HCN1: variants seen among roughly 807,000 people sequenced by gnomAD.
The protein encoded by HCN1 is potassium/sodium hyperpolarization-activated cyclic nucleotide-gated channel 1.
In HCN1, 13 loss-of-function variants were observed where a neutral mutation model predicts 78.9. That is an observed-to-expected ratio of 0.16 (90% CI 0.11 to 0.26). The LOEUF is 0.26. HCN1 is among the 10% of genes least tolerant of loss of function. The probability of loss-of-function intolerance (pLI) is 1.00; values close to 1 mark genes in which losing one functional copy is unlikely to be tolerated. For missense variants in HCN1, 810 were observed against 1,154.3 expected (o/e 0.70, Z 4.32); for synonymous variants, 552 against 455.5 (o/e 1.21, Z -2.70).
intron 1 of HCN1, among the ~76,000 whole-genome samples, chr5:45,664,433 T>G (rs1745990844): frequency 1.4e-5 from 2 of 141,678 alleles, no homozygotes. Flanking sequence ...AATGTGCACA[T>G]GTACCCTAAA....
At chr5:45,384,193 G>C (rs923138273) in intron 4 of HCN1, among the ~76,000 whole-genome samples, 1 of 152,052 alleles carries the variant, frequency 6.6e-6, no homozygotes, top group Non-Finnish European at 1.5e-5. Context: ...GCAGTATTTG[G>C]TGTTTAGTAA....
chr5:45,581,668 T>C (rs1744076528), intron 2 of HCN1, among the ~76,000 whole-genome samples: 1 of 152,224 alleles, frequency 6.6e-6, no homozygotes, highest in Non-Finnish European at 1.5e-5. Flanking sequence ...AACATTTAAG[T>C]CTTTAATCCA....
chr5:45,424,835 A>G (rs1260300075), intron 3 of HCN1, among the ~76,000 whole-genome samples: 1 of 152,178 alleles, frequency 6.6e-6, no homozygotes, highest in Non-Finnish European at 1.5e-5. Flanking sequence ...TATCCTGGAA[A>G]GCACATTCAT....
At chr5:45,452,451 G>T (rs1346012744) in intron 3 of HCN1, among the ~76,000 whole-genome samples, 1 of 150,854 alleles carries the variant, frequency 6.6e-6, no homozygotes, top group Non-Finnish European at 1.5e-5. Flanking sequence ...ATAGTACCCA[G>T]AATAAATTAC....
At chr5:45,633,053 T>A (rs1745297134) in intron 2 of HCN1, among the ~76,000 whole-genome samples, 1 of 151,952 alleles carries the variant, frequency 6.6e-6, no homozygotes, top group Non-Finnish European at 1.5e-5. Context: ...TACAAGGGCA[T>A]CCATACTACA....
chr5:45,262,584 C>A lies in HCN1; in HGVS notation c.2010G>T (p.Ala670=), dbSNP rs755532252. The change falls in exon 8 of 8, where the codon GCG becomes GCT. Residue 670 remains alanine, a synonymous_variant. Transcript: ENST00000303230. ...GCAGGTTGCTGTGAGACAGGCTGGT[C>A]GCTGTGTACACCGGTGGAGATTGTG... The part of the protein sequence containing the change: ...MRTQSPPVYT[A]TSLSHSNLHS... The A allele has an allele frequency of 1.2e-6, 2 of 1,613,780 alleles. No homozygotes were observed. Among genetic ancestry groups the A allele is most frequent in the Non-Finnish European group, 1.7e-6 (2 of 1,179,986 alleles).
At chr5:45,345,107 C>A (rs1048441931) in intron 5 of HCN1, among the ~76,000 whole-genome samples, 2 of 152,194 alleles carry the variant, frequency 1.3e-5, no homozygotes, top group Non-Finnish European at 2.9e-5. Flanking sequence ...GGCTCAACAT[C>A]ATGTGGAAGA....
intron 4 of HCN1, among the ~76,000 whole-genome samples, chr5:45,371,407 A>T (rs989973476): frequency 1.3e-5 from 2 of 151,876 alleles, no homozygotes; most frequent in African/African-American, 4.8e-5. Flanking sequence ...AAATAAAGAG[A>T]AGATCCAAAT....
intron 2 of HCN1, among the ~76,000 whole-genome samples, chr5:45,479,102 G>A (rs1198092541): frequency 6.6e-6 from 1 of 151,452 alleles, no homozygotes; most frequent in Non-Finnish European, 1.5e-5. Context: ...ACTCCAGCCT[G>A]GGCTACAGAG....
intron 6 of HCN1, among the ~76,000 whole-genome samples, chr5:45,293,262 A>T (rs1745416823): frequency 6.6e-6 from 1 of 151,942 alleles, no homozygotes; most frequent in African/African-American, 2.4e-5. Flanking sequence ...AGTATCTATA[A>T]TTTTTTGATA....
intron 3 of HCN1, among the ~76,000 whole-genome samples, chr5:45,412,924 C>T (rs1740051160): frequency 6.6e-6 from 1 of 152,040 alleles, no homozygotes. Context: ...GAATGTATAT[C>T]AAGCACATAA....
chr5:45,376,680 T>C (rs139577013), intron 4 of HCN1, among the ~76,000 whole-genome samples: 2 of 151,914 alleles, frequency 1.3e-5, no homozygotes, highest in Non-Finnish European at 1.5e-5. Flanking sequence ...TATGTTTATA[T>C]CTTCATGAGG....
intron 2 of HCN1, among the ~76,000 whole-genome samples, chr5:45,585,552 G>C (rs1744196992): frequency 6.6e-6 from 1 of 152,170 alleles, no homozygotes; most frequent in Admixed American, 6.5e-5. Context: ...GTCCAGCTTT[G>C]TTCTGTTGCT....
rs183245491 is a variant in HCN1, at chr5:45,313,503, C to A, written c.1378-9664G>T. Among the ~76,000 whole-genome samples the A allele has an allele frequency of 2.0e-3, 302 of 152,312 alleles. 1 individual carries two copies. Among genetic ancestry groups the A allele is most frequent in the African/African-American group, 6.9e-3 (286 of 41,580 alleles). Reference sequence around the variant, plus strand: ...ATGCAGCTCCTCGCCAGCACCAGAACAAAGCTGGATGGAGAATGACTTCGA... The same window carrying A: ...ATGCAGCTCCTCGCCAGCACCAGAAAAAAGCTGGATGGAGAATGACTTCGA... On this transcript the variant is annotated intron_variant, in intron 5 of 7. Transcript: ENST00000303230.
At chr5:45,381,902 T>A (rs978560366) in intron 4 of HCN1, among the ~76,000 whole-genome samples, 1 of 152,156 alleles carries the variant, frequency 6.6e-6, no homozygotes, top group Admixed American at 6.6e-5. Flanking sequence ...TGGCTCCCCA[T>A]TGAAATGTAA....
intron 2 of HCN1, among the ~76,000 whole-genome samples, chr5:45,540,842 C>T (rs1410018738): frequency 2.0e-5 from 3 of 152,012 alleles, no homozygotes; most frequent in Admixed American, 2.0e-4. Flanking sequence ...AAATAAGTCA[C>T]TGTGTATTTA....
intron 2 of HCN1, among the ~76,000 whole-genome samples, chr5:45,598,042 T>C: frequency 6.6e-6 from 1 of 152,132 alleles, no homozygotes; most frequent in East Asian, 1.9e-4. Context: ...AATGACTTTG[T>C]TCACAGAATT....
intron 6 of HCN1, among the ~76,000 whole-genome samples, chr5:45,285,981 C>A (rs563870527): frequency 4.6e-5 from 7 of 151,440 alleles, no homozygotes; most frequent in Non-Finnish European, 8.8e-5. Flanking sequence ...CAAACACACA[C>A]GGAAAATTTG....
chr5:45,403,923 T>C (rs984530061), intron 3 of HCN1, among the ~76,000 whole-genome samples: 1 of 152,190 alleles, frequency 6.6e-6, no homozygotes, highest in African/African-American at 2.4e-5. Flanking sequence ...GTTAAAATTT[T>C]GTAAGTGGAA....
Sources: gnomAD v4.1 joint callset for allele counts (sites outside exome capture counted in the v4.1 genomes callset) on GRCh38, gnomAD v4.1.1 for gene constraint, MANE v1.5 for transcripts, NCBI Gene and HGNC (gene_info 2026-07-23, HGNC 2026-07-21) for gene names.